The following USP9X variants were observed in gnomAD, a reference collection of about 807,000 sequenced individuals.
USP9X encodes ubiquitin specific peptidase 9 X-linked.
Under a neutral mutation model 190.3 loss-of-function variants are expected in USP9X, and 7 were observed. The ratio of observed to expected loss-of-function variants is 0.04; its 90% CI spans 0.02 to 0.07. USP9X has a LOEUF of 0.07. USP9X is among the 10% of genes least tolerant of loss of function. The pLI is 1.00. For missense variants in USP9X, 1,010 were observed against 1,916.9 expected (o/e 0.53, Z 8.83); for synonymous variants, 645 against 659.5 (o/e 0.98, Z 0.34).
At chrX:41,161,826 C>G (rs1199109964) in intron 14 of USP9X, among the ~76,000 whole-genome samples, 1 of 105,919 alleles carries the variant, frequency 9.4e-6, no homozygotes, top group Non-Finnish European at 1.9e-5. Flanking sequence ...TGAAGCAATA[C>G]TACTGCCTGG....
chrX:41,185,248 T>A (rs781156552), intron 23 of USP9X, among the ~76,000 whole-genome samples: 12 of 112,552 alleles, frequency 1.1e-4, no homozygotes, highest in African/African-American at 3.9e-4. Flanking sequence ...GGATAAAGAT[T>A]TTCTTCTTTA....
chrX:41,123,522 AGACT>A lies in USP9X; in HGVS notation c.-103_-100del. The A allele has an allele frequency of 4.6e-6, 3 of 650,666 alleles. No individual in the cohort carries two copies. Among genetic ancestry groups the A allele is most frequent in the Non-Finnish European group, 7.4e-6 (3 of 406,126 alleles). 53.6% of individuals were successfully genotyped at this position (650,666 alleles called of 1,213,427 possible). A position where few individuals can be genotyped will look rare whatever the true frequency, so the allele number is the denominator to read the frequency against. On this transcript the variant is annotated 5_prime_UTR_variant, in exon 2 of 45. It introduces an in-frame stop codon into an upstream open reading frame of the 5' UTR. Transcript: ENST00000378308. ...TTTATTCTTGAATTGGACCTTTTTA[AGACT>A]GACAAATGCTGGTACTTCATCTTCT...
chrX:41,101,705 C>T (rs1419406937), intron 1 of USP9X, among the ~76,000 whole-genome samples: 1 of 112,148 alleles, frequency 8.9e-6, no homozygotes, highest in East Asian at 2.8e-4. Context: ...TAAATAATGA[C>T]TTTAGAGGAT....
At chrX:41,205,989 C>G in intron 32 of USP9X, among the ~76,000 whole-genome samples, 1 of 104,790 alleles carries the variant, frequency 9.5e-6, no homozygotes. Context: ...CTCCCAGATT[C>G]AAGTGATTCT....
intron 2 of USP9X, among the ~76,000 whole-genome samples, chrX:41,124,580 GT>G (rs2062220310): frequency 8.9e-6 from 1 of 112,246 alleles, no homozygotes; most frequent in Non-Finnish European, 1.9e-5. Flanking sequence ...ACTAAGCCAT[GT>G]GTCAATTCTA....
At chrX:41,117,878 G>C (rs777458402) in intron 1 of USP9X, among the ~76,000 whole-genome samples, 1 of 109,427 alleles carries the variant, frequency 9.1e-6, no homozygotes, top group Non-Finnish European at 1.9e-5. Flanking sequence ...TCTTTTTTGA[G>C]ACGGAGTCTC....
intron 4 of USP9X, among the ~76,000 whole-genome samples, chrX:41,132,193 G>A (rs770531774): frequency 1.3e-4 from 14 of 110,380 alleles, no homozygotes; most frequent in Non-Finnish European, 2.5e-4. Flanking sequence ...GGAGTGTGGC[G>A]ATGTGATCAT....
At chrX:41,121,401 T>G (rs2062189388) in intron 1 of USP9X, among the ~76,000 whole-genome samples, 1 of 111,712 alleles carries the variant, frequency 9.0e-6, no homozygotes, top group East Asian at 2.8e-4. Flanking sequence ...TCAATTTCTG[T>G]GCTGCATAGA....
intron 2 of USP9X, among the ~76,000 whole-genome samples, chrX:41,126,323 T>G (rs1048560842): frequency 7.1e-5 from 8 of 112,142 alleles, no homozygotes; most frequent in Non-Finnish European, 1.3e-4. Context: ...GACATAAATT[T>G]GTTAGCCAGT....
intron 39 of USP9X, among the ~76,000 whole-genome samples, chrX:41,224,244 T>G (rs1464369568): frequency 9.0e-6 from 1 of 111,443 alleles, no homozygotes; most frequent in African/African-American, 3.3e-5. Flanking sequence ...AGATTTTGTA[T>G]TTTTATATCT....
rs182066131 is a variant in USP9X, at chrX:41,102,191, A to G, written c.-159+16082A>G. Among the ~76,000 whole-genome samples the G allele has an allele frequency of 1.7e-3, 190 of 112,494 alleles. 1 individual carries two copies. The highest frequency in any genetic ancestry group is 6.0e-3 in the African/African-American group (186 of 31,022). ...ATTTTAAAAAACTTAAATATAATTTATAATGATAATCTCATTGATTAAACA... is the reference window on the plus strand; with the variant it reads ...ATTTTAAAAAACTTAAATATAATTTGTAATGATAATCTCATTGATTAAACA... On this transcript the variant is annotated intron_variant, in intron 1 of 44. Transcript: ENST00000378308.
intron 1 of USP9X, among the ~76,000 whole-genome samples, chrX:41,121,958 T>C (rs753373357): frequency 1.5e-4 from 17 of 112,259 alleles, no homozygotes; most frequent in Non-Finnish European, 1.7e-4. Flanking sequence ...TGTGGCCTTG[T>C]AACCCTGTTA....
rs2240886 is a variant in USP9X, at chrX:41,189,159, A to G, written c.3811-150A>G. The G allele has an allele frequency of 9.3e-4, 429 of 459,911 alleles. 1 individual carries two copies. In the East Asian group the frequency reaches 0.015, roughly 16 times the overall value. The allele number at this position is 459,911 out of a possible 1,213,427, so 37.9% of individuals were successfully genotyped here. A position where few individuals can be genotyped will look rare whatever the true frequency, so the allele number is the denominator to read the frequency against. ...TTATAGTCATTTCCAGACTATTCCA[A>G]AGGGGCCTCAAGAGTTAACATGCAG... On this transcript the variant is annotated intron_variant, in intron 25 of 44. Transcript: ENST00000378308.
Position 41,225,148 on chromosome X carries a change from T to C in USP9X, c.7061+11T>C, listed in dbSNP as rs1431862351. 3 of 1,197,465 alleles carry C rather than the reference T, an allele frequency of 2.5e-6. No homozygotes were observed. In the African/African-American group the frequency reaches 5.3e-5, roughly 21 times the overall value. On this transcript the variant is annotated intron_variant, in intron 41 of 44. Coordinates refer to ENST00000378308, the MANE Select transcript of USP9X (RefSeq NM_001039591.3). Reference sequence around the variant, plus strand: ...CTGGCAAACTCACAGGTGGATACTCTTTTTGTGACTGGAAACAATTAGGCT... The same window carrying C: ...CTGGCAAACTCACAGGTGGATACTCCTTTTGTGACTGGAAACAATTAGGCT...
chrX:41,183,541 T>C (rs2062847126), intron 21 of USP9X, among the ~76,000 whole-genome samples: 2 of 112,018 alleles, frequency 1.8e-5, no homozygotes, highest in Non-Finnish European at 3.8e-5. Flanking sequence ...TTTTCGATGT[T>C]TGCTTTTTAG....
chrX:41,125,201 G>A (rs1421567216), intron 2 of USP9X, among the ~76,000 whole-genome samples: 1 of 109,965 alleles, frequency 9.1e-6, no homozygotes, highest in Non-Finnish European at 1.9e-5. Context: ...TCAGCCTCTC[G>A]AGTAGCTGGG....
intron 1 of USP9X, among the ~76,000 whole-genome samples, chrX:41,112,282 A>G (rs1407850269): frequency 8.9e-6 from 1 of 112,839 alleles, no homozygotes; most frequent in Admixed American, 9.4e-5. Context: ...TTCAAAAGAA[A>G]GCTCAATCCC....
intron 21 of USP9X, among the ~76,000 whole-genome samples, chrX:41,177,377 T>A (rs1203298641): frequency 2.7e-5 from 3 of 112,362 alleles, no homozygotes; most frequent in Non-Finnish European, 3.8e-5. Flanking sequence ...TGTTTTTGAA[T>A]GGCACATGTC....
At chrX:41,191,827 G>C (rs1211150846) in intron 26 of USP9X, among the ~76,000 whole-genome samples, 1 of 112,177 alleles carries the variant, frequency 8.9e-6, no homozygotes, top group African/African-American at 3.2e-5. Context: ...CTACCTGGAA[G>C]GAGCAAAAGT....
Sources: allele counts gnomAD v4.1 joint callset (sites outside exome capture counted in the v4.1 genomes callset), GRCh38; gene constraint gnomAD v4.1.1; transcripts MANE v1.5; gene names NCBI Gene and HGNC (gene_info 2026-07-23, HGNC 2026-07-21).